FBXO15: variants seen among roughly 807,000 people sequenced by gnomAD.
FBXO15 encodes F-box protein 15.
FBXO15 carries 30 observed loss-of-function variants against 49.5 expected under a neutral mutation model. That is an observed-to-expected ratio of 0.61 (90% CI 0.45 to 0.82). The LOEUF (loss-of-function observed/expected upper bound fraction) is 0.82, where lower values mean the gene tolerates loss of function less well. FBXO15 is among the 40% of genes least tolerant of loss of function. FBXO15 has a pLI of 0.00. For missense variants in FBXO15, 591 were observed against 631.5 expected (o/e 0.94, Z 0.69); for synonymous variants, 250 against 232.7 (o/e 1.07, Z -0.68).
intron 6 of FBXO15, among the ~76,000 whole-genome samples, chr18:74,125,774 T>C (rs1343302904): frequency 1.3e-5 from 2 of 152,134 alleles, no homozygotes; most frequent in Non-Finnish European, 2.9e-5. Flanking sequence ...GAGTTGTCTA[T>C]CATAGCAGAA....
chr18:74,124,428 A>C (rs1408682952), intron 7 of FBXO15, 61 bp downstream of exon 7: 1 of 1,352,488 alleles, frequency 7.4e-7, no homozygotes, highest in Non-Finnish European at 1.1e-6. Context: ...AGATGGCATC[A>C]ACTTCTAATA....
intron 5 of FBXO15, among the ~76,000 whole-genome samples, chr18:74,127,566 T>C (rs959984656): frequency 1.3e-5 from 2 of 152,262 alleles, no homozygotes; most frequent in Non-Finnish European, 2.9e-5. Flanking sequence ...GTCACACAGA[T>C]GCGTACAAGG....
chr18:74,086,517 C>T (rs1379335424), intron 8 of FBXO15, among the ~76,000 whole-genome samples: 1 of 152,174 alleles, frequency 6.6e-6, no homozygotes, highest in Admixed American at 6.5e-5. Context: ...CAAGCTCTGC[C>T]TCCTGGGTTC....
chr18:74,076,248 A>C (rs1267516856), intron 9 of FBXO15: 1 of 152,274 alleles, frequency 6.6e-6, no homozygotes, highest in Non-Finnish European at 1.5e-5. Flanking sequence ...GCCCTAGTCC[A>C]AGTGCTATGG....
At chr18:74,142,847 A>G (rs1979171204) in intron 1 of FBXO15, among the ~76,000 whole-genome samples, 1 of 152,230 alleles carries the variant, frequency 6.6e-6, no homozygotes, top group Non-Finnish European at 1.5e-5. Context: ...AACACAGTAA[A>G]CAAATTTGTA....
In FBXO15 at chr18:74,140,219, A is replaced by G. The variant is rs887523309; in HGVS notation, c.210T>C (p.Cys70=). The G allele has an allele frequency of 1.3e-6, 2 of 1,551,270 alleles. No individual in the cohort carries two copies. The highest frequency in any genetic ancestry group is 2.7e-5 in the African/African-American group (2 of 73,168). The change falls in exon 2 of 10, where the codon TGT becomes TGC. Residue 70 remains cysteine (C), a synonymous_variant. Transcript: ENST00000419743. ...GQHWESSFSC[C]SGFLDGMPSE... is the part of the protein sequence containing the mutation. The stretch of plus-strand genomic sequence containing the variant: ...CTACTTACCCATCCAGGAACCCAGA[A>G]CAGCAGGAGAAAGAGCTCTCCCAGT...
intron 2 of FBXO15, among the ~76,000 whole-genome samples, chr18:74,137,599 G>T (rs1232374241): frequency 6.6e-6 from 1 of 152,188 alleles, no homozygotes. Flanking sequence ...TTAAGACAGT[G>T]GAGATCGAAT....
At chr18:74,133,108 G>A in intron 3 of FBXO15, among the ~76,000 whole-genome samples, 1 of 152,194 alleles carries the variant, frequency 6.6e-6, no homozygotes, top group East Asian at 1.9e-4. Flanking sequence ...TCTGTAGTCT[G>A]ACTTCATGAT....
chr18:74,134,900 C>A (rs1012784023), intron 3 of FBXO15, among the ~76,000 whole-genome samples: 1 of 152,148 alleles, frequency 6.6e-6, no homozygotes, highest in Non-Finnish European at 1.5e-5. Context: ...ACAAAACCAT[C>A]AGTTAAAACC....
intron 8 of FBXO15, among the ~76,000 whole-genome samples, chr18:74,101,668 G>A (rs965201430): frequency 6.6e-6 from 1 of 152,074 alleles, no homozygotes; most frequent in Non-Finnish European, 1.5e-5. Context: ...GCAAGACTAA[G>A]CAAAAAGAAC....
intron 9 of FBXO15, chr18:74,078,393 G>T (rs1181657290): frequency 8.3e-6 from 1 of 120,944 alleles, no homozygotes; most frequent in Non-Finnish European, 1.7e-5. Flanking sequence ...TCCTGTCCCC[G>T]GGTGCTAGCC....
intron 1 of FBXO15, among the ~76,000 whole-genome samples, chr18:74,141,235 G>A (rs1179486020): frequency 2.0e-5 from 3 of 152,178 alleles, no homozygotes; most frequent in African/African-American, 2.4e-5. Flanking sequence ...AGCACCTTGA[G>A]GGAATCTGAA....
At chr18:74,078,338 CGA>C (rs1912341231) in intron 9 of FBXO15, among the ~76,000 whole-genome samples, 2 of 147,994 alleles carry the variant, frequency 1.4e-5, no homozygotes, top group African/African-American at 2.6e-5. Flanking sequence ...GGCCCCCCCC[CGA>C]CCTGCCCCAG....
chr18:74,120,983 C>T (rs1376869992), intron 8 of FBXO15, among the ~76,000 whole-genome samples: 1 of 152,038 alleles, frequency 6.6e-6, no homozygotes, highest in Admixed American at 6.5e-5. Context: ...TCAGGAATCA[C>T]ATCATGTCAC....
At chr18:74,138,406 G>T (rs1035213611) in intron 2 of FBXO15, among the ~76,000 whole-genome samples, 2 of 152,034 alleles carry the variant, frequency 1.3e-5, no homozygotes, top group Non-Finnish European at 2.9e-5. Flanking sequence ...GCAGGTCACC[G>T]ACTGCTCTTG....
chr18:74,100,390 C>G (rs1162799666), intron 8 of FBXO15, among the ~76,000 whole-genome samples: 1 of 151,960 alleles, frequency 6.6e-6, no homozygotes, highest in Non-Finnish European at 1.5e-5. Context: ...GACAACCTAT[C>G]AAACCTCTAG....
chr18:74,147,163 G>A (rs1042376794), intron 1 of FBXO15: 1 of 152,336 alleles, frequency 6.6e-6, no homozygotes, highest in African/African-American at 2.4e-5. Flanking sequence ...TGGAGGTGCA[G>A]AAAGTGCTGC....
chr18:74,144,024 CA>C, intron 1 of FBXO15, among the ~76,000 whole-genome samples: 1 of 152,306 alleles, frequency 6.6e-6, no homozygotes, highest in East Asian at 1.9e-4. Flanking sequence ...ATATGCCTGG[CA>C]TGCGAGCAGC....
chr18:74,135,993 G>A (rs991605160), intron 2 of FBXO15, 127 bp from the exon 3 acceptor site: 2 of 633,394 alleles, frequency 3.2e-6, no homozygotes, highest in Admixed American at 3.1e-5. Flanking sequence ...TCCTGTACAA[G>A]AGGCAAACTG....
Sources: allele counts gnomAD v4.1 joint callset (sites outside exome capture counted in the v4.1 genomes callset), GRCh38; gene constraint gnomAD v4.1.1; transcripts MANE v1.5; gene names NCBI Gene and HGNC (gene_info 2026-07-23, HGNC 2026-07-21).